Variants in GALNTL6 observed in about 807,000 individuals in gnomAD.
GALNTL6 encodes the protein polypeptide N-acetylgalactosaminyltransferase like 6.
A neutral mutation model predicts 73.7 loss-of-function variants in GALNTL6; 46 were observed. The observed-to-expected ratio is 0.62, with a 90% CI of 0.49 to 0.80. GALNTL6 has a LOEUF of 0.80. Ranked by LOEUF, GALNTL6 falls within the 30% of genes least tolerant of loss-of-function variation. The probability of loss-of-function intolerance (pLI) is 0.00; values close to 1 mark genes in which losing one functional copy is unlikely to be tolerated. For missense variants in GALNTL6, 604 were observed against 755.0 expected, an observed-to-expected ratio of 0.80 and a Z score of 2.34; for synonymous variants, 259 against 263.7, an observed-to-expected ratio of 0.98 and a Z score of 0.17.
At chr4:172,738,658 T>C (rs1736610227) in intron 5 of GALNTL6, among the ~76,000 whole-genome samples, 1 of 152,174 alleles carries the variant, frequency 6.6e-6, no homozygotes, top group African/African-American at 2.4e-5. Flanking sequence ...GAGTCAAGTA[T>C]GAGTGACCAT....
intron 6 of GALNTL6, among the ~76,000 whole-genome samples, chr4:172,810,851 A>T (rs905508225): frequency 6.6e-6 from 1 of 152,136 alleles, no homozygotes; most frequent in East Asian, 1.9e-4. Flanking sequence ...ACAGAATTTG[A>T]CCTATATGGT....
At chr4:172,220,569 A>C (rs1736640735) in intron 2 of GALNTL6, among the ~76,000 whole-genome samples, 1 of 151,794 alleles carries the variant, frequency 6.6e-6, no homozygotes, top group South Asian at 2.1e-4. Context: ...TCCTGAAGAA[A>C]AAGAAGTTTG....
At chr4:172,699,909 C>G (rs554223806) in intron 5 of GALNTL6, among the ~76,000 whole-genome samples, 6 of 152,148 alleles carry the variant, frequency 3.9e-5, no homozygotes, top group Admixed American at 1.3e-4. Context: ...GCAGTTGAGG[C>G]CTGTAATAGG....
intron 5 of GALNTL6, among the ~76,000 whole-genome samples, chr4:172,535,010 T>C (rs1204306308): frequency 1.3e-5 from 2 of 152,208 alleles, no homozygotes; most frequent in African/African-American, 4.8e-5. Context: ...GTGGAGTTCA[T>C]GGGTTTAAAG....
At chr4:172,114,211 T>C (rs1023394540) in intron 2 of GALNTL6, among the ~76,000 whole-genome samples, 1 of 152,098 alleles carries the variant, frequency 6.6e-6, no homozygotes, top group African/African-American at 2.4e-5. Context: ...CTAATAAGCT[T>C]GTTTATAAAT....
At chr4:172,033,200 C>A (rs1409131901) in intron 2 of GALNTL6, among the ~76,000 whole-genome samples, 1 of 151,542 alleles carries the variant, frequency 6.6e-6, no homozygotes, top group Non-Finnish European at 1.5e-5. Flanking sequence ...AGAGATCAGA[C>A]AACTCTGATT....
Position 172,361,311 on chromosome 4 carries a change from T to TA in GALNTL6, c.553+12622_553+12623insA, listed in dbSNP as rs201725066. 3.4e-3 allele frequency among the ~76,000 whole-genome samples: 40 copies of TA among 11,866 alleles called. No homozygotes were observed. In the East Asian group the frequency reaches 0.5, roughly 148 times the overall value. The allele number at this position is 11,866 out of a possible 152,430, so 7.8% of individuals were successfully genotyped here. On this transcript the variant is annotated intron_variant, in intron 5 of 12. Transcript: ENST00000506823. ...TATTATTGAGTACTATGAAGGTCCT[T>TA]TTTCCTGAGAGAAATTACAAGTCAT...
At chr4:172,167,795 A>G (rs985864226) in intron 2 of GALNTL6, among the ~76,000 whole-genome samples, 7 of 115,058 alleles carry the variant, frequency 6.1e-5, no homozygotes, top group African/African-American at 2.8e-4. Context: ...CGTCTCTACT[A>G]AAAATACAAA....
At chr4:172,006,120 T>C (rs991045502) in intron 2 of GALNTL6, among the ~76,000 whole-genome samples, 6 of 152,206 alleles carry the variant, frequency 3.9e-5, no homozygotes, top group African/African-American at 1.4e-4. Flanking sequence ...CGAGTCATGC[T>C]ATTATCTTTC....
At chr4:172,368,562 C>G (rs915297350) in intron 5 of GALNTL6, among the ~76,000 whole-genome samples, 1 of 152,224 alleles carries the variant, frequency 6.6e-6, no homozygotes, top group Non-Finnish European at 1.5e-5. Context: ...GATCACAAAG[C>G]TCATCTAAAA....
intron 7 of GALNTL6, among the ~76,000 whole-genome samples, chr4:172,846,919 A>AT (rs1359651762): frequency 6.6e-6 from 1 of 151,818 alleles, no homozygotes; most frequent in African/African-American, 2.4e-5. Flanking sequence ...AATATATCAA[A>AT]TTTTTTCTTT....
At chr4:172,747,519 T>G (rs894295545) in intron 5 of GALNTL6, among the ~76,000 whole-genome samples, 6 of 151,932 alleles carry the variant, frequency 3.9e-5, no homozygotes, top group Non-Finnish European at 8.8e-5. Context: ...GAAAGGTAAA[T>G]GTTGACCAGG....
intron 10 of GALNTL6, among the ~76,000 whole-genome samples, chr4:172,990,128 G>A (rs189956375): frequency 1.4e-3 from 211 of 152,300 alleles, no homozygotes; most frequent in African/African-American, 4.6e-3. Context: ...ATTCCTTCAA[G>A]CAGTCTGTTT....
chr4:172,000,415 G>T (rs1740640694), intron 2 of GALNTL6, among the ~76,000 whole-genome samples: 1 of 152,092 alleles, frequency 6.6e-6, no homozygotes, highest in Non-Finnish European at 1.5e-5. Flanking sequence ...AAAGAGTGAG[G>T]ATCTAGGGTG....
chr4:172,214,264 T>TTAGG (rs1377189637), intron 2 of GALNTL6, among the ~76,000 whole-genome samples: 1 of 152,198 alleles, frequency 6.6e-6, no homozygotes, highest in Non-Finnish European at 1.5e-5. Flanking sequence ...CAGTATTGTG[T>TTAGG]TACTTATTCT....
chr4:172,801,283 A>G (rs1376000677), intron 5 of GALNTL6, among the ~76,000 whole-genome samples: 1 of 152,186 alleles, frequency 6.6e-6, no homozygotes, highest in Non-Finnish European at 1.5e-5. Flanking sequence ...AAAATGCCAA[A>G]ATATTTTGTG....
intron 2 of GALNTL6, among the ~76,000 whole-genome samples, chr4:172,114,587 T>C (rs1462315936): frequency 1.3e-5 from 2 of 152,036 alleles, no homozygotes; most frequent in Non-Finnish European, 2.9e-5. Flanking sequence ...CCCAGAGCTT[T>C]AGGGTATCAC....
chr4:172,196,304 A>C (rs189320505), intron 2 of GALNTL6, among the ~76,000 whole-genome samples: 2 of 152,198 alleles, frequency 1.3e-5, no homozygotes, highest in Admixed American at 6.5e-5. Flanking sequence ...GGCTGTAACA[A>C]ATAGCCACCA....
chr4:171,871,039 T>A (rs905228844), intron 2 of GALNTL6, among the ~76,000 whole-genome samples: 1 of 152,194 alleles, frequency 6.6e-6, no homozygotes, highest in Non-Finnish European at 1.5e-5. Flanking sequence ...CATTACACAA[T>A]TAAAAATAAA....
Sources: allele counts gnomAD v4.1 joint callset (sites outside exome capture counted in the v4.1 genomes callset), GRCh38; gene constraint gnomAD v4.1.1; transcripts MANE v1.5; gene names NCBI Gene and HGNC (gene_info 2026-07-23, HGNC 2026-07-21).